The following HOMER1 variants were observed in gnomAD, a reference collection of about 807,000 sequenced individuals.
The protein encoded by HOMER1 is homer scaffold protein 1.
HOMER1 carries 3 observed loss-of-function variants against 48.9 expected under a neutral mutation model. The ratio of observed to expected loss-of-function variants is 0.06; its 90% CI spans 0.03 to 0.16. The LOEUF is 0.16. Ranked by LOEUF, HOMER1 falls within the 10% of genes least tolerant of loss-of-function variation. The pLI is 1.00. For synonymous variants in HOMER1, 134 were observed against 146.4 expected (o/e 0.92, Z 0.61); for missense variants, 247 against 411.4 (o/e 0.60, Z 3.46).
At chr5:79,500,957 C>G (rs544495537) in intron 1 of HOMER1, among the ~76,000 whole-genome samples, 1,857 of 62,526 alleles carry the variant, frequency 0.03, 26 homozygotes, top group African/African-American at 0.062. Context: ...GTGTGTGAGA[C>G]AGACAGACAC....
At chr5:79,506,826 T>C (rs1752784847) in intron 1 of HOMER1, among the ~76,000 whole-genome samples, 1 of 150,270 alleles carries the variant, frequency 6.7e-6, no homozygotes, top group African/African-American at 2.5e-5. Flanking sequence ...CACTGCACTG[T>C]CTCAAAAACA....
intron 2 of HOMER1, 36 bp downstream of exon 2, chr5:79,456,826 A>G: frequency 6.3e-7 from 1 of 1,593,972 alleles, no homozygotes; most frequent in Non-Finnish European, 8.6e-7. Context: ...GAAAAAAGCA[A>G]AACCAGCCAA....
intron 1 of HOMER1, among the ~76,000 whole-genome samples, chr5:79,504,403 G>C (rs1036958328): frequency 1.2e-5 from 1 of 86,528 alleles, no homozygotes; most frequent in Non-Finnish European, 2.2e-5. Context: ...TTTTACAAAA[G>C]AATAAGCAAA....
chr5:79,386,933 CCTT>C (rs1749124823), intron 8 of HOMER1, among the ~76,000 whole-genome samples: 14 of 116,914 alleles, frequency 1.2e-4, no homozygotes, highest in Middle Eastern at 4.0e-3. Context: ...TCCTCCCCTC[CCTT>C]CCTTCCTTCC....
At chr5:79,448,357 A>C (rs1580457381) in intron 3 of HOMER1, among the ~76,000 whole-genome samples, 1 of 152,314 alleles carries the variant, frequency 6.6e-6, no homozygotes, top group East Asian at 1.9e-4. Context: ...ACAATAGTTA[A>C]TCTTTAAAAG....
chr5:79,480,635 C>A (rs1376688735), intron 1 of HOMER1, among the ~76,000 whole-genome samples: 1 of 152,070 alleles, frequency 6.6e-6, no homozygotes, highest in African/African-American at 2.4e-5. Context: ...AGTTATTATA[C>A]CTTTATGTAA....
At position 79,454,021 on chromosome 5, in the gene HOMER1, T is replaced by TA. The variant is rs1044068164; in HGVS notation, c.162+2840dup. On this transcript the variant is annotated intron_variant, in intron 2 of 8. Coordinates refer to ENST00000334082, the MANE Select transcript of HOMER1 (RefSeq NM_004272.5). ...CTCTGCTACAGAAGATAGATTTTGT[T>TA]AAAAAAATACAAAAAGCTTTTCCAA... Among the ~76,000 whole-genome samples, 12 of 152,228 alleles carry TA rather than the reference T, an allele frequency of 7.9e-5. No individual in the cohort carries two copies. The East Asian group carries it at 1.9e-3, about 24-fold the overall frequency.
Position 79,491,530 on chromosome 5 carries a change from C to G in HOMER1, c.5+21240G>C, listed in dbSNP as rs576480242. Among the ~76,000 whole-genome samples the G allele has an allele frequency of 4.7e-5, 7 of 149,478 alleles. No homozygotes were observed. In the South Asian group the frequency reaches 1.5e-3, roughly 32 times the overall value. On this transcript the variant is annotated intron_variant, in intron 1 of 8. Transcript: ENST00000334082. ...TGAATACTCACCCCTCTTGCTTGGG[C>G]TTTCTTTATGTTGAAAATCAGCCTG...
chr5:79,374,999 C>A lies in HOMER1; in HGVS notation c.*1010G>T, dbSNP rs1231405332. The A allele has an allele frequency of 6.6e-6, 1 of 151,990 alleles. No individual in the cohort carries two copies. Among genetic ancestry groups the A allele is most frequent in the Non-Finnish European group, 1.5e-5 (1 of 67,936 alleles). 9.4% of individuals were successfully genotyped at this position (151,990 alleles called of 1,614,324 possible). On this transcript the variant is annotated 3_prime_UTR_variant, in exon 9 of 9. Transcript: ENST00000334082. ...TGATCAGCTGTTTGATGTAAATGGACCCCCTTTAAAATAGCTATACACCTT... is the reference window on the plus strand; with the variant it reads ...TGATCAGCTGTTTGATGTAAATGGAACCCCTTTAAAATAGCTATACACCTT...
chr5:79,459,783 C>G (rs1342048524), intron 1 of HOMER1, among the ~76,000 whole-genome samples: 1 of 152,112 alleles, frequency 6.6e-6, no homozygotes, highest in Non-Finnish European at 1.5e-5. Flanking sequence ...AAGTAACTGA[C>G]AGCTATGATA....
intron 1 of HOMER1, among the ~76,000 whole-genome samples, chr5:79,466,879 C>T (rs1352942267): frequency 2.0e-5 from 3 of 151,992 alleles, no homozygotes; most frequent in African/African-American, 7.2e-5. Context: ...GCAACCTCTG[C>T]CCCCTGGATT....
chr5:79,387,441 A>G (rs1470925893), intron 8 of HOMER1, among the ~76,000 whole-genome samples: 1 of 152,156 alleles, frequency 6.6e-6, no homozygotes, highest in African/African-American at 2.4e-5. Flanking sequence ...ATAAATTTAA[A>G]TCTTGCATCA....
chr5:79,490,250 G>C (rs1288933663), intron 1 of HOMER1, among the ~76,000 whole-genome samples: 1 of 152,042 alleles, frequency 6.6e-6, no homozygotes, highest in African/African-American at 2.4e-5. Flanking sequence ...TAAGAATTTA[G>C]AAACATATTT....
intron 5 of HOMER1, among the ~76,000 whole-genome samples, chr5:79,436,332 AAC>A (rs1750583535): frequency 6.6e-6 from 1 of 152,168 alleles, no homozygotes; most frequent in Non-Finnish European, 1.5e-5. Context: ...CTAGGATAGG[AAC>A]AGTTACTAAC....
chr5:79,387,109 C>A (rs1277729095), intron 8 of HOMER1, among the ~76,000 whole-genome samples: 2 of 142,676 alleles, frequency 1.4e-5, no homozygotes, highest in Non-Finnish European at 3.0e-5. Flanking sequence ...CTTTCTTTCA[C>A]AAGGTCTCAT....
At chr5:79,428,272 T>C (rs1187073182) in intron 5 of HOMER1, among the ~76,000 whole-genome samples, 1 of 152,030 alleles carries the variant, frequency 6.6e-6, no homozygotes, top group Non-Finnish European at 1.5e-5. Context: ...ACTGAAAAAC[T>C]AGGAATATAG....
intron 5 of HOMER1, among the ~76,000 whole-genome samples, chr5:79,421,570 C>G (rs969273249): frequency 2.4e-4 from 37 of 151,050 alleles, no homozygotes; most frequent in African/African-American, 9.0e-4. Context: ...ATCAAGAATA[C>G]TATGAGCACA....
chr5:79,512,338 T>C (rs912610081), intron 1 of HOMER1, among the ~76,000 whole-genome samples: 26 of 152,300 alleles, frequency 1.7e-4, no homozygotes, highest in African/African-American at 6.0e-4. Context: ...CTGGATCACT[T>C]TCAAGGACTG....
chr5:79,411,598 A>G (rs1392502912), intron 5 of HOMER1, among the ~76,000 whole-genome samples: 2 of 152,228 alleles, frequency 1.3e-5, no homozygotes, highest in East Asian at 1.9e-4. Flanking sequence ...TATTTTCAAA[A>G]TAAGAGCTTA....
Sources: allele counts gnomAD v4.1 joint callset (sites outside exome capture counted in the v4.1 genomes callset), GRCh38; gene constraint gnomAD v4.1.1; transcripts MANE v1.5; gene names NCBI Gene and HGNC (gene_info 2026-07-23, HGNC 2026-07-21).